LPCAT3: variants seen among roughly 807,000 people sequenced by gnomAD.
The protein encoded by LPCAT3 is lysophosphatidylcholine acyltransferase 3, also known as lysophospholipid acyltransferase 5.
LPCAT3 carries 21 observed loss-of-function variants against 63.4 expected under a neutral mutation model. That is an observed-to-expected ratio of 0.33 (90% CI 0.23 to 0.48). The LOEUF (loss-of-function observed/expected upper bound fraction) is 0.48, where lower values mean the gene tolerates loss of function less well. Among genes scored for constraint, LPCAT3 ranks in the 20% least tolerant of loss-of-function variants. The pLI, the probability that LPCAT3 is intolerant of heterozygous loss-of-function variation, is 0.99. For missense variants in LPCAT3, 451 were observed against 590.6 expected (o/e 0.76, Z 2.45); for synonymous variants, 242 against 227.5 (o/e 1.06, Z -0.58).
intron 1 of LPCAT3, among the ~76,000 whole-genome samples, chr12:6,991,028 C>T (rs782742943): frequency 2.0e-5 from 3 of 150,176 alleles, no homozygotes; most frequent in Admixed American, 1.3e-4. Flanking sequence ...ATATAAATAA[C>T]ATACTTTAAA....
chr12:6,999,714 G>A (rs2138351910), intron 1 of LPCAT3, among the ~76,000 whole-genome samples: 1 of 152,318 alleles, frequency 6.6e-6, no homozygotes, highest in East Asian at 1.9e-4. Context: ...GCAACAGATT[G>A]AGGCACTTTA....
intron 1 of LPCAT3, among the ~76,000 whole-genome samples, chr12:7,014,438 A>C (rs1017172126): frequency 6.6e-6 from 1 of 152,144 alleles, no homozygotes; most frequent in Non-Finnish European, 1.5e-5. Flanking sequence ...TCATGGCAAA[A>C]TTCCTCTTCA....
At chr12:7,009,689 T>C (rs1326394433) in intron 1 of LPCAT3, among the ~76,000 whole-genome samples, 3 of 152,244 alleles carry the variant, frequency 2.0e-5, no homozygotes, top group African/African-American at 7.2e-5. Context: ...TCAAGCATGG[T>C]TAAGTGTTTA....
intron 1 of LPCAT3, among the ~76,000 whole-genome samples, chr12:7,016,488 G>A (rs1946798405): frequency 6.6e-6 from 1 of 152,022 alleles, no homozygotes; most frequent in Admixed American, 6.6e-5. Flanking sequence ...TGTTGGCCAG[G>A]CTGGTCTCAA....
chr12:6,983,460 T>G lies in LPCAT3; in HGVS notation c.231A>C (p.Thr77=), dbSNP rs907245882. Residue 77 remains threonine (T), a synonymous_variant, in exon 2 of 13, where the codon ACA becomes ACC. Coordinates refer to ENST00000261407, the MANE Select transcript of LPCAT3 (RefSeq NM_005768.6). ...TYLIHLFHTF[T]GLSIAYFNFG... is the part of the protein sequence containing the mutation. The stretch of plus-strand genomic sequence containing the variant: ...AGTTAAAATAAGCAATTGAGAGGCC[T>G]GTAAAGGTATGGAAGAGGTGGATGA... 1.9e-6 allele frequency: 3 copies of G among 1,611,208 alleles called. No individual in the cohort carries two copies. Among genetic ancestry groups the G allele is most frequent in the Non-Finnish European group, 2.5e-6 (3 of 1,177,828 alleles).
rs79788039 is a variant in LPCAT3, at chr12:6,982,601, C to T, written c.366+75G>A. The T allele has an allele frequency of 2.4e-3, 2,654 of 1,121,548 alleles. 45 individuals carry two copies. The African/African-American group carries it at 0.033, about 14-fold the overall frequency. 69.5% of individuals were successfully genotyped at this position (1,121,548 alleles called of 1,614,324 possible). A position where few individuals can be genotyped will look rare whatever the true frequency, so the allele number is the denominator to read the frequency against. On this transcript the variant is annotated intron_variant, in intron 3 of 12. Coordinates refer to ENST00000261407, the MANE Select transcript of LPCAT3 (RefSeq NM_005768.6). ...AAATTAGGTCTGCTAATTTCTATAC[C>T]ACAGTCCCCTGCCTACCCCTGTCCC...
intron 1 of LPCAT3, among the ~76,000 whole-genome samples, chr12:7,010,710 G>A (rs1213268561): frequency 6.6e-6 from 1 of 152,128 alleles, no homozygotes; most frequent in Non-Finnish European, 1.5e-5. Context: ...AAATAATCTT[G>A]TGGACCCTAA....
At chr12:7,001,101 G>C (rs1436959927) in intron 1 of LPCAT3, among the ~76,000 whole-genome samples, 1 of 152,088 alleles carries the variant, frequency 6.6e-6, no homozygotes, top group East Asian at 1.9e-4. Flanking sequence ...GCCTTTGCCC[G>C]CTTCGAACTG....
At chr12:7,005,346 A>T (rs138028730) in intron 1 of LPCAT3, among the ~76,000 whole-genome samples, 1 of 152,196 alleles carries the variant, frequency 6.6e-6, no homozygotes, top group African/African-American at 2.4e-5. Flanking sequence ...ATTTGTCCCA[A>T]TTGGTGGACA....
intron 1 of LPCAT3, among the ~76,000 whole-genome samples, chr12:6,996,141 T>C (rs1448604839): frequency 1.3e-5 from 2 of 151,430 alleles, no homozygotes; most frequent in African/African-American, 4.8e-5. Context: ...GACTCATCTC[T>C]CAATCTGGCC....
chr12:6,984,782 A>T (rs1213483318), intron 1 of LPCAT3, among the ~76,000 whole-genome samples: 1 of 151,746 alleles, frequency 6.6e-6, no homozygotes, highest in Non-Finnish European at 1.5e-5. Context: ...ATGAGTTCTC[A>T]CTATGTTGCC....
chr12:6,978,715 T>C, intron 7 of LPCAT3, 26 bp from the exon 8 acceptor site: 1 of 1,613,046 alleles, frequency 6.2e-7, no homozygotes, highest in South Asian at 1.1e-5. Flanking sequence ...CACAGTGCAT[T>C]AGGGATATCA....
At position 6,978,643 on chromosome 12, in the gene LPCAT3, T is replaced by G; in HGVS notation, c.833A>C (p.Lys278Thr). The change falls in exon 8 of 13, where the codon AAG (lysine) becomes ACG (threonine). Residue 278 changes from lysine (K) to threonine (T), a missense_variant. By Grantham distance (78) the Lys-to-Thr change is moderately conservative. Coordinates refer to ENST00000261407, the MANE Select transcript of LPCAT3 (RefSeq NM_005768.6). ...GGTGACATATTTGTACAGCACAAAC[T>G]TGCCCCAGATCAGCATGTACATGCA... is the stretch of plus-strand genomic sequence containing the variant. ...FRCMYMLIWG[K>T]FVLYKYVTCW... 1 of 1,614,200 alleles carries G rather than the reference T, an allele frequency of 6.2e-7. No homozygotes were observed. The highest frequency in any genetic ancestry group is 8.5e-7 in the Non-Finnish European group (1 of 1,180,042).
chr12:7,018,393 G>A lies in LPCAT3; in HGVS notation c.32C>T (p.Thr11Ile), dbSNP rs1555157798. The A allele has an allele frequency of 6.2e-7, 1 of 1,611,186 alleles. No homozygotes were observed. The highest frequency in any genetic ancestry group is 8.5e-7 in the Non-Finnish European group (1 of 1,178,566). Residue 11 changes from threonine to isoleucine, a missense_variant, in exon 1 of 13, where the codon ACT becomes ATT. Coordinates refer to ENST00000261407, the MANE Select transcript of LPCAT3 (RefSeq NM_005768.6). This position sits in a 1 kb window ranked among gnomAD's most constrained non-coding sequence, Gnocchi z 4.9. ...CAGAACCCCCGCCAGCGCCACCACA[G>A]TCCCCTCGTCCCCCTCCGCTGAGGA... MASSAEGDEG[T>I]VVALAGVLQS...
In LPCAT3 at chr12:7,018,389, C is replaced by T. The variant is rs1174260139; in HGVS notation, c.36G>A (p.Val12=). The T allele has an allele frequency of 3.7e-6, 6 of 1,612,112 alleles. No individual in the cohort carries two copies. Among genetic ancestry groups the T allele is most frequent in the Middle Eastern group, 1.6e-4 (1 of 6,076 alleles). ...ASSAEGDEGT[V]VALAGVLQSG... is the part of the protein sequence containing the mutation. ...ACTGCAGAACCCCCGCCAGCGCCAC[C>T]ACAGTCCCCTCGTCCCCCTCCGCTG... is the stretch of plus-strand genomic sequence containing the variant. Residue 12 remains valine (V), a synonymous_variant, in exon 1 of 13, where the codon GTG becomes GTA. Coordinates refer to ENST00000261407, the MANE Select transcript of LPCAT3 (RefSeq NM_005768.6). The surrounding 1 kb of genome is among the most constrained non-coding windows in gnomAD (Gnocchi z 4.9).
In LPCAT3 at chr12:6,977,742, G is replaced by A; in HGVS notation, c.1044C>T (p.Tyr348=). ...CAAGGAACTTGAGTCGTTTGAAGAT[G>A]TAGCTGGAGAAAAGGGTGGGTGGGG... ...NINTNAWVAR[Y]IFKRLKFLGN... is the part of the protein sequence containing the mutation. The change falls in exon 10 of 13, where the codon TAC becomes TAT. Residue 348 remains tyrosine (Y), a synonymous_variant. Transcript: ENST00000261407. The surrounding 1 kb of genome is among the most constrained non-coding windows in gnomAD (Gnocchi z 4.5). 6.2e-7 allele frequency: 1 copy of A among 1,614,086 alleles called. No individual in the cohort carries two copies. The highest frequency in any genetic ancestry group is 2.2e-5 in the East Asian group (1 of 44,874).
chr12:7,010,577 A>T (rs950946143), intron 1 of LPCAT3, among the ~76,000 whole-genome samples: 1 of 152,136 alleles, frequency 6.6e-6, no homozygotes, highest in African/African-American at 2.4e-5. Flanking sequence ...TACCATGCCC[A>T]GCTAATGCAA....
At chr12:6,991,005 A>G (rs1946584700) in intron 1 of LPCAT3, among the ~76,000 whole-genome samples, 1 of 152,008 alleles carries the variant, frequency 6.6e-6, no homozygotes, top group African/African-American at 2.4e-5. Flanking sequence ...TAAAACTACT[A>G]CACATTATAT....
chr12:7,004,999 T>C (rs1946716540), intron 1 of LPCAT3, among the ~76,000 whole-genome samples: 2 of 152,224 alleles, frequency 1.3e-5, no homozygotes, highest in African/African-American at 4.8e-5. Flanking sequence ...TTCAGTGTTA[T>C]GCAACCATCT....
Sources: allele counts gnomAD v4.1 joint callset (sites outside exome capture counted in the v4.1 genomes callset), GRCh38; gene constraint gnomAD v4.1.1; non-coding constraint Gnocchi (gnomAD v3.1); transcripts MANE v1.5; gene names NCBI Gene and HGNC (gene_info 2026-07-23, HGNC 2026-07-21).